The following EIF4B variants were observed in gnomAD, a reference collection of about 807,000 sequenced individuals.
EIF4B encodes the protein eukaryotic translation initiation factor 4B.
Under a neutral mutation model 79.3 loss-of-function variants are expected in EIF4B, and 8 were observed. That is an observed-to-expected ratio of 0.10 (90% CI 0.06 to 0.18). The LOEUF (loss-of-function observed/expected upper bound fraction) is 0.18, where lower values mean the gene tolerates loss of function less well. Ranked by LOEUF, EIF4B falls within the 10% of genes least tolerant of loss-of-function variation. The pLI is 1.00. For missense variants in EIF4B, 515 were observed against 792.4 expected, an observed-to-expected ratio of 0.65 and a Z score of 4.20; for synonymous variants, 238 against 274.7, an observed-to-expected ratio of 0.87 and a Z score of 1.32.
In EIF4B at chr12:53,019,844, CCT is replaced by C. The variant is rs1592218428; in HGVS notation, c.361-62_361-61del. The stretch of plus-strand genomic sequence containing the variant: ...GCACATACAGTAATGCTTTTGTAGT[CCT>C]CTCAAAAAATGACAAATGAAGAAGA... On this transcript the variant is annotated intron_variant, in intron 3 of 14. Coordinates refer to ENST00000262056, the MANE Select transcript of EIF4B (RefSeq NM_001417.7). 13 of 1,483,806 alleles carry C rather than the reference CCT, an allele frequency of 8.8e-6. No homozygotes were observed. The South Asian group carries it at 9.5e-5, about 11-fold the overall frequency. The allele number at this position is 1,483,806 out of a possible 1,614,324, so 91.9% of individuals were successfully genotyped here. A position where few individuals can be genotyped will look rare whatever the true frequency, so the allele number is the denominator to read the frequency against.
intron 9 of EIF4B, 100 bp from the exon 10 acceptor site, chr12:53,034,512 T>C: frequency 1.9e-6 from 2 of 1,075,888 alleles, no homozygotes; most frequent in Non-Finnish European, 2.8e-6. Flanking sequence ...CATATACACA[T>C]ATAGATGAAG....
intron 10 of EIF4B, among the ~76,000 whole-genome samples, chr12:53,034,956 C>CTTTTTTTTTTTTTTTTTTTTTT (rs72498436): frequency 1.1e-5 from 1 of 90,156 alleles, no homozygotes. Context: ...TTGTCTCTCT[C>CTTTTTTTTTTTTTTTTTTTTTT]TTTTTTTTTT....
At chr12:53,023,478 G>T (rs548199407) in intron 6 of EIF4B, among the ~76,000 whole-genome samples, 1 of 151,834 alleles carries the variant, frequency 6.6e-6, no homozygotes, top group Non-Finnish European at 1.5e-5. Context: ...TGATCCGCCC[G>T]CCTTGGCCTC....
intron 8 of EIF4B, among the ~76,000 whole-genome samples, chr12:53,032,799 G>A (rs1402474876): frequency 6.6e-6 from 1 of 151,618 alleles, no homozygotes; most frequent in East Asian, 1.9e-4. Flanking sequence ...AGTCTCCTGA[G>A]TAGCTGGGAC....
intron 6 of EIF4B, among the ~76,000 whole-genome samples, chr12:53,024,859 G>A (rs757400268): frequency 6.6e-5 from 10 of 152,076 alleles, no homozygotes; most frequent in African/African-American, 1.2e-4. Context: ...GTTTCACCAC[G>A]TTGGCCAGCT....
intron 1 of EIF4B, chr12:53,014,953 A>C (rs1943125057): frequency 6.6e-6 from 1 of 152,234 alleles, no homozygotes; most frequent in Admixed American, 6.5e-5. Flanking sequence ...TCTGAGGACC[A>C]CAAAGAAAGA....
chr12:53,010,229 G>A (rs1184820923), intron 1 of EIF4B, among the ~76,000 whole-genome samples: 1 of 152,130 alleles, frequency 6.6e-6, no homozygotes, highest in African/African-American at 2.4e-5. Context: ...GAAGTAATTG[G>A]GCACAGAGAG....
chr12:53,022,812 T>C (rs1383377630), intron 6 of EIF4B, among the ~76,000 whole-genome samples, 185 bp downstream of exon 6: 1 of 152,054 alleles, frequency 6.6e-6, no homozygotes, highest in Admixed American at 6.6e-5. Context: ...AAATTAATAA[T>C]TTTTTTTGAA....
rs201365536 is a variant in EIF4B, at chr12:53,019,941, G to C, written c.392G>C (p.Ser131Thr). ...GCAGTGCGTTTACCACGTGAACCCA[G>C]CAATCCAGAGAGGTTGAAAGGTTTT... ...ISAVRLPREPSNPERLKGFGY... is the reference protein window; with the variant it reads ...ISAVRLPREPTNPERLKGFGY... Residue 131 changes from serine to threonine, a missense_variant, in exon 4 of 15, where the codon AGC becomes ACC. Ser to Thr is a moderately conservative substitution (Grantham distance 58). Coordinates refer to ENST00000262056, the MANE Select transcript of EIF4B (RefSeq NM_001417.7). The C allele has an allele frequency of 3.4e-4, 553 of 1,612,602 alleles. No individual in the cohort carries two copies. Among genetic ancestry groups the C allele is most frequent in the Non-Finnish European group, 4.3e-4 (503 of 1,179,546 alleles).
At chr12:53,014,246 TA>T (rs776521252) in intron 1 of EIF4B, among the ~76,000 whole-genome samples, 2,323 of 132,868 alleles carry the variant, frequency 0.017, 23 homozygotes, top group African/African-American at 0.039. Context: ...ACTGTGAAAC[TA>T]AAAAAAAAAA....
intron 8 of EIF4B, among the ~76,000 whole-genome samples, chr12:53,030,856 TA>T (rs1943431679): frequency 2.0e-5 from 3 of 152,174 alleles, no homozygotes; most frequent in Admixed American, 2.0e-4. Context: ...GTGGTATAGG[TA>T]AAATTACAAG....
chr12:53,007,436 T>A (rs1408193313), intron 1 of EIF4B, among the ~76,000 whole-genome samples: 1 of 147,524 alleles, frequency 6.8e-6, no homozygotes, highest in Non-Finnish European at 1.5e-5. Flanking sequence ...TTTTTTTTTT[T>A]TTTTTTTTTT....
chr12:53,027,931 A>T lies in EIF4B; in HGVS notation c.805+12A>T. On this transcript the variant is annotated intron_variant, in intron 7 of 14. Coordinates refer to ENST00000262056, the MANE Select transcript of EIF4B (RefSeq NM_001417.7). ...AGACTATGATAGAGGTAATTGTAAAACATGTCGAATTGCTCTTTCAGTAAC... is the reference window on the plus strand; with the variant it reads ...AGACTATGATAGAGGTAATTGTAAATCATGTCGAATTGCTCTTTCAGTAAC... 1.9e-6 allele frequency: 3 copies of T among 1,611,870 alleles called. No homozygotes were observed. Among genetic ancestry groups the T allele is most frequent in the Non-Finnish European group, 2.5e-6 (3 of 1,178,712 alleles).
At chr12:53,011,836 T>TA (rs1943069583) in intron 1 of EIF4B, among the ~76,000 whole-genome samples, 1 of 152,170 alleles carries the variant, frequency 6.6e-6, no homozygotes, top group Non-Finnish European at 1.5e-5. Flanking sequence ...CATGTATAAA[T>TA]AATTGGGACA....
At chr12:53,030,410 A>ATTTTTTTTTTTTTTTTTTTTTT (rs1555153412) in intron 8 of EIF4B, among the ~76,000 whole-genome samples, 35 of 34,174 alleles carry the variant, frequency 1.0e-3, no homozygotes, top group Non-Finnish European at 2.0e-3. Context: ...AAAAAATTAT[A>ATTTTTTTTTTTTTTTTTTTTTT]TTCTTTTTTT....
intron 10 of EIF4B, among the ~76,000 whole-genome samples, chr12:53,036,247 G>A (rs774696942): frequency 3.9e-5 from 6 of 151,972 alleles, no homozygotes; most frequent in Admixed American, 6.6e-5. Flanking sequence ...CGAGTAGCTG[G>A]GATTACAGGA....
intron 6 of EIF4B, 63 bp from the exon 7 acceptor site, chr12:53,027,719 T>G (rs1943360668): frequency 6.4e-7 from 1 of 1,561,314 alleles, no homozygotes; most frequent in African/African-American, 1.4e-5. Context: ...ACTGATAGCT[T>G]ACCGTGTTTC....
rs773655882 is a variant in EIF4B at position 53,022,578 on chromosome 12, C to T, written c.618C>T (p.Asp206=). 1.9e-6 allele frequency: 3 copies of T among 1,613,824 alleles called. No individual in the cohort carries two copies. Among genetic ancestry groups the T allele is most frequent in the South Asian group, 1.1e-5 (1 of 91,068 alleles). ...ACTGGAGGGCTCGTCCTGCTACAGA[C>T]AGCTTTGATGACTACCCACCTAGAA... ...DTDWRARPAT[D]SFDDYPPRRG... The change falls in exon 6 of 15, where the codon GAC becomes GAT. Residue 206 remains aspartate, a synonymous_variant. Coordinates refer to ENST00000262056, the MANE Select transcript of EIF4B (RefSeq NM_001417.7).
At chr12:53,007,014 G>A (rs963524134) in intron 1 of EIF4B, among the ~76,000 whole-genome samples, 1 of 152,092 alleles carries the variant, frequency 6.6e-6, no homozygotes, top group African/African-American at 2.4e-5. Context: ...GCAGCGGTGC[G>A]CGTGCGCGGT....
Sources: allele counts gnomAD v4.1 joint callset (sites outside exome capture counted in the v4.1 genomes callset), GRCh38; gene constraint gnomAD v4.1.1; transcripts MANE v1.5; gene names NCBI Gene and HGNC (gene_info 2026-07-23, HGNC 2026-07-21).